C17orf67: variants seen among roughly 807,000 people sequenced by gnomAD.
C17orf67 encodes chromosome 17 open reading frame 67.
In C17orf67, 12 loss-of-function variants were observed where a neutral mutation model predicts 11.2. That is an observed-to-expected ratio of 1.07 (90% CI 0.68 to 1.73). The LOEUF is 1.73. Among genes scored for constraint, C17orf67 ranks in the 40% most tolerant of loss-of-function variants. The pLI is 0.00. For missense variants in C17orf67, 115 were observed against 113.5 expected (o/e 1.01, Z -0.06); for synonymous variants, 59 against 46.9 (o/e 1.26, Z -1.05).
intron 4 of C17orf67, among the ~76,000 whole-genome samples, chr17:56,823,037 A>C (rs1236800532): frequency 6.6e-6 from 1 of 152,196 alleles, no homozygotes. Context: ...CTTCTCTCCA[A>C]CTTAAACAGG....
Position 56,833,633 on chromosome 17 carries a change from C to T in C17orf67, c.-1017G>A, listed in dbSNP as rs1450475194. ...CCACACCTACCTCAGCCCGCCGCGG[C>T]CAGGTCGGGCGGTGCCGCGCAGGCC... On this transcript the variant is annotated 5_prime_UTR_variant, in exon 1 of 8. Transcript: ENST00000397861. The T allele has an allele frequency of 6.6e-6, 1 of 151,658 alleles. No homozygotes were observed. The highest frequency in any genetic ancestry group is 1.5e-5 in the Non-Finnish European group (1 of 67,930). 9.4% of individuals were successfully genotyped at this position (151,658 alleles called of 1,614,324 possible).
At chr17:56,795,317 C>T (rs775645063) in intron 6 of C17orf67, 137 bp from the exon 7 acceptor site, 10 of 732,784 alleles carry the variant, frequency 1.4e-5, no homozygotes, top group Non-Finnish European at 2.3e-5. Flanking sequence ...CGGCCACACC[C>T]ATGCCTCTCT....
intron 2 of C17orf67, among the ~76,000 whole-genome samples, chr17:56,826,844 T>G (rs992426023): frequency 2.6e-5 from 4 of 151,292 alleles, no homozygotes; most frequent in African/African-American, 7.4e-5. Context: ...TGTGCCTGGG[T>G]TTTTTCATCT....
intron 4 of C17orf67, among the ~76,000 whole-genome samples, chr17:56,818,562 C>A (rs939187494): frequency 1.3e-5 from 2 of 152,070 alleles, no homozygotes; most frequent in Non-Finnish European, 2.9e-5. Flanking sequence ...CAACTTTTGT[C>A]TATATCAGCA....
Position 56,826,783 on chromosome 17 carries a change from T to G in C17orf67, c.-556-1462A>C, listed in dbSNP as rs184524935. On this transcript the variant is annotated intron_variant, in intron 2 of 7. Transcript: ENST00000397861. ...TTAGTTGACCAAGTTAAAACAGTGA[T>G]CTCAGTCCCACCATTGGCTGTGTGA... 2.6e-5 allele frequency among the ~76,000 whole-genome samples: 4 copies of G among 152,364 alleles called. No individual in the cohort carries two copies. The East Asian group carries it at 7.7e-4, about 29-fold the overall frequency.
intron 4 of C17orf67, among the ~76,000 whole-genome samples, chr17:56,822,205 GCTAA>G (rs146060511): frequency 6.6e-6 from 1 of 152,306 alleles, no homozygotes; most frequent in Non-Finnish European, 1.5e-5. Flanking sequence ...TCTGACAATA[GCTAA>G]CTGATACAGA....
Position 56,813,083 on chromosome 17 carries a change from G to A in C17orf67, c.156+1786C>T, listed in dbSNP as rs115754171. Reference sequence around the variant, plus strand: ...ATTAGAGCTGCCTCTCGAGCACCTTGAGCAGGAGCCACTGCTTTGAGGACT... The same window carrying A: ...ATTAGAGCTGCCTCTCGAGCACCTTAAGCAGGAGCCACTGCTTTGAGGACT... On this transcript the variant is annotated intron_variant, in intron 6 of 7. Coordinates refer to ENST00000397861, the MANE Select transcript of C17orf67 (RefSeq NM_001085430.4). Among the ~76,000 whole-genome samples, 954 of 152,294 alleles carry A rather than the reference G, an allele frequency of 6.3e-3. 14 individuals are homozygous for A. The highest frequency in any genetic ancestry group is 0.022 in the African/African-American group (905 of 41,562).
intron 6 of C17orf67, among the ~76,000 whole-genome samples, chr17:56,800,877 T>C (rs866706619): frequency 6.6e-6 from 1 of 152,102 alleles, no homozygotes; most frequent in Non-Finnish European, 1.5e-5. Context: ...TTCGCTCATA[T>C]ATTGGTATCA....
At chr17:56,808,954 T>C (rs967768926) in intron 6 of C17orf67, among the ~76,000 whole-genome samples, 5 of 152,110 alleles carry the variant, frequency 3.3e-5, no homozygotes, top group African/African-American at 1.2e-4. Context: ...TGTTTTCTTT[T>C]GCACAGTCCC....
chr17:56,823,215 T>C (rs1339437116), intron 4 of C17orf67, among the ~76,000 whole-genome samples: 1 of 152,188 alleles, frequency 6.6e-6, no homozygotes, highest in East Asian at 1.9e-4. Flanking sequence ...AGAAAAGCTC[T>C]AGTTCTGGGG....
At position 56,815,927 on chromosome 17, in the gene C17orf67, G is replaced by C; in HGVS notation, c.-117C>G. The stretch of plus-strand genomic sequence containing the variant: ...TATGCTTTGACTAACGGGACTTACG[G>C]TATGATGCTGAATGTATCTGACTCT... On this transcript the variant is annotated 5_prime_UTR_variant, in exon 5 of 8. Transcript: ENST00000397861. 6.4e-6 allele frequency: 10 copies of C among 1,558,976 alleles called. No individual in the cohort carries two copies. The highest frequency in any genetic ancestry group is 8.7e-6 in the Non-Finnish European group (10 of 1,146,706).
At chr17:56,798,981 G>C (rs1358539279) in intron 6 of C17orf67, among the ~76,000 whole-genome samples, 1 of 152,214 alleles carries the variant, frequency 6.6e-6, no homozygotes, top group Admixed American at 6.5e-5. Context: ...GCAAGAAAGA[G>C]AGAAGGTGCC....
rs533051389 is a variant in C17orf67, at chr17:56,799,050, G to A, written c.157-3870C>T. Reference sequence around the variant, plus strand: ...TAAGAGTGAAAACTCCCTCATTACCGCTATTCATGAGGGATCCACCTCCAT... The same window carrying A: ...TAAGAGTGAAAACTCCCTCATTACCACTATTCATGAGGGATCCACCTCCAT... On this transcript the variant is annotated intron_variant, in intron 6 of 7. Coordinates refer to ENST00000397861, the MANE Select transcript of C17orf67 (RefSeq NM_001085430.4). Among the ~76,000 whole-genome samples, 6 of 152,194 alleles carry A rather than the reference G, an allele frequency of 3.9e-5. No homozygotes were observed. In the East Asian group the frequency reaches 5.8e-4, roughly 15 times the overall value.
chr17:56,825,574 A>C (rs1158671273), intron 2 of C17orf67, among the ~76,000 whole-genome samples: 1 of 152,242 alleles, frequency 6.6e-6, no homozygotes, highest in African/African-American at 2.4e-5. Flanking sequence ...AAATCTGAGA[A>C]TCTAAGGAAA....
intron 4 of C17orf67, among the ~76,000 whole-genome samples, chr17:56,818,199 G>T (rs1426442264): frequency 2.0e-5 from 3 of 151,390 alleles, no homozygotes; most frequent in Non-Finnish European, 4.4e-5. Flanking sequence ...ACGTTAAACA[G>T]CTTGAGTTTT....
At chr17:56,818,400 C>T (rs1905813925) in intron 4 of C17orf67, among the ~76,000 whole-genome samples, 1 of 152,138 alleles carries the variant, frequency 6.6e-6, no homozygotes. Flanking sequence ...TAGCTCACAC[C>T]TATAATCTTA....
In C17orf67 at chr17:56,795,039, C is replaced by G; in HGVS notation, c.*20+5G>C. The stretch of plus-strand genomic sequence containing the variant: ...CAGAGGTCCGGGAGAGAGAAGGAGA[C>G]GTACCGAGGCTGGTCCTGATCCCCT... On this transcript the variant is annotated splice_donor_5th_base_variant and intron_variant, in intron 7 of 7. Transcript: ENST00000397861. 1.9e-6 allele frequency: 3 copies of G among 1,581,162 alleles called. No individual in the cohort carries two copies. The highest frequency in any genetic ancestry group is 2.6e-6 in the Non-Finnish European group (3 of 1,150,660).
intron 4 of C17orf67, among the ~76,000 whole-genome samples, chr17:56,820,257 G>A (rs926220972): frequency 2.6e-5 from 4 of 152,240 alleles, no homozygotes; most frequent in Non-Finnish European, 5.9e-5. Flanking sequence ...AATATCAAAC[G>A]TTGAAGGCTA....
chr17:56,829,860 A>T (rs1393156140), intron 2 of C17orf67, among the ~76,000 whole-genome samples: 2 of 152,178 alleles, frequency 1.3e-5, no homozygotes, highest in Non-Finnish European at 2.9e-5. Context: ...TGCTCTGTAA[A>T]TATTATTTAT....
Sources: gnomAD v4.1 joint callset for allele counts (sites outside exome capture counted in the v4.1 genomes callset) on GRCh38, gnomAD v4.1.1 for gene constraint, MANE v1.5 for transcripts, NCBI Gene and HGNC (gene_info 2026-07-23, HGNC 2026-07-21) for gene names.